The following DMXL2 variants were observed in gnomAD, a reference collection of about 807,000 sequenced individuals.
DMXL2 encodes the protein dmX-like protein 2.
In DMXL2, 103 loss-of-function variants were observed where a neutral mutation model predicts 331.1. The observed-to-expected ratio is 0.31, with a 90% CI of 0.27 to 0.37. The LOEUF is 0.37. Ranked by LOEUF, DMXL2 falls within the 10% of genes least tolerant of loss-of-function variation. The pLI, the probability that DMXL2 is intolerant of heterozygous loss-of-function variation, is 1.00. For synonymous variants in DMXL2, 1,281 were observed against 1,252.1 expected, an observed-to-expected ratio of 1.02 and a Z score of -0.49; for missense variants, 3,171 against 3,642.9, an observed-to-expected ratio of 0.87 and a Z score of 3.33.
rs1439019816 is a variant in DMXL2, at chr15:51,535,763, C to T, written c.2336G>A (p.Ser779Asn). Residue 779 changes from serine (S) to asparagine (N), a missense_variant, in exon 13 of 44, where the codon AGT (serine) becomes AAT (asparagine). Around this residue, in one of 7 missense-constraint regions of DMXL2, gnomAD observed 1,674 missense variants for 1,780.2 expected, o/e 0.94. Coordinates refer to ENST00000560891, the MANE Select transcript of DMXL2 (RefSeq NM_001378457.1). ...YCLGTYCNSA[S>N]ACFVASDGKN... ...GCCATCAGAAGCAACAAAGCAAGCACTTGCAGAATTGCAGTATGTGCCTGA... is the reference window on the plus strand; with the variant it reads ...GCCATCAGAAGCAACAAAGCAAGCATTTGCAGAATTGCAGTATGTGCCTGA... The T allele has an allele frequency of 6.2e-7, 1 of 1,610,174 alleles. No individual in the cohort carries two copies. The highest frequency in any genetic ancestry group is 1.7e-5 in the Admixed American group (1 of 59,588).
chr15:51,508,199 GA>G (rs1444342412), intron 15 of DMXL2, among the ~76,000 whole-genome samples: 1 of 152,092 alleles, frequency 6.6e-6, no homozygotes, highest in East Asian at 1.9e-4. Flanking sequence ...CTAGGAAGGG[GA>G]AAGAATTAGG....
intron 15 of DMXL2, among the ~76,000 whole-genome samples, chr15:51,510,422 G>A (rs886092923): frequency 5.3e-5 from 8 of 152,090 alleles, no homozygotes; most frequent in Non-Finnish European, 1.0e-4. Context: ...AACAGACAGA[G>A]AGCCAAATCA....
intron 9 of DMXL2, among the ~76,000 whole-genome samples, chr15:51,540,980 T>C (rs559528395): frequency 8.5e-5 from 13 of 152,310 alleles, no homozygotes; most frequent in African/African-American, 3.1e-4. Flanking sequence ...CCAAGGTTTC[T>C]AATATGTATT....
intron 15 of DMXL2, among the ~76,000 whole-genome samples, chr15:51,512,115 A>C (rs2046792031): frequency 6.6e-6 from 1 of 152,120 alleles, no homozygotes; most frequent in Admixed American, 6.5e-5. Flanking sequence ...AGGTGCAGCA[A>C]ACCACCATGG....
chr15:51,524,348 G>T (rs892693041), intron 13 of DMXL2, among the ~76,000 whole-genome samples: 3 of 152,156 alleles, frequency 2.0e-5, no homozygotes, highest in Admixed American at 1.3e-4. Context: ...AGGAATAGAG[G>T]AAGATGGCAG....
At chr15:51,461,734 G>A (rs1230576318) in intron 33 of DMXL2, among the ~76,000 whole-genome samples, 1 of 152,106 alleles carries the variant, frequency 6.6e-6, no homozygotes, top group Non-Finnish European at 1.5e-5. Flanking sequence ...TGTATCTTTT[G>A]TAGAGACGGG....
chr15:51,509,422 T>C (rs758029361), intron 15 of DMXL2, among the ~76,000 whole-genome samples: 2 of 152,144 alleles, frequency 1.3e-5, no homozygotes, highest in Non-Finnish European at 1.5e-5. Flanking sequence ...GAGAATACTA[T>C]AAACACCTCT....
intron 1 of DMXL2, among the ~76,000 whole-genome samples, chr15:51,616,845 G>A (rs1486974816): frequency 6.7e-6 from 1 of 150,094 alleles, no homozygotes; most frequent in Non-Finnish European, 1.5e-5. Context: ...GCTGAGGCAG[G>A]AGAATCGCTT....
At chr15:51,502,430 C>T (rs1414697850) in intron 17 of DMXL2, among the ~76,000 whole-genome samples, 15 of 151,744 alleles carry the variant, frequency 9.9e-5, no homozygotes, top group Admixed American at 9.9e-4. Flanking sequence ...TCAAGCAATT[C>T]CCCTGCCTCA....
chr15:51,465,657 C>A lies in DMXL2; in HGVS notation c.7521-6G>T, dbSNP rs1252547761. 6.4e-7 allele frequency: 1 copy of A among 1,563,126 alleles called. No homozygotes were observed. The highest frequency in any genetic ancestry group is 8.7e-7 in the Non-Finnish European group (1 of 1,152,688). ...TCAAATGTAGAAGAGCCCAGCTGTTCAAGGAGGGGCAAAAAGAGTCTTTAA... is the reference window on the plus strand; with the variant it reads ...TCAAATGTAGAAGAGCCCAGCTGTTAAAGGAGGGGCAAAAAGAGTCTTTAA... On this transcript the variant is annotated splice_region_variant and splice_polypyrimidine_tract_variant and intron_variant, in intron 30 of 43. Transcript: ENST00000560891.
At chr15:51,600,340 C>A in intron 1 of DMXL2, among the ~76,000 whole-genome samples, 1 of 152,288 alleles carries the variant, frequency 6.6e-6, no homozygotes, top group Middle Eastern at 3.4e-3. Context: ...AAACCCTGCA[C>A]AGATATGCCT....
At chr15:51,575,811 C>T (rs1434737047) in intron 2 of DMXL2, among the ~76,000 whole-genome samples, 1 of 152,082 alleles carries the variant, frequency 6.6e-6, no homozygotes, top group Non-Finnish European at 1.5e-5. Flanking sequence ...TATCAGTATG[C>T]ACAGGATTGT....
chr15:51,521,447 G>GTAA (rs1170771545), intron 13 of DMXL2, among the ~76,000 whole-genome samples: 1 of 149,786 alleles, frequency 6.7e-6, no homozygotes, highest in Non-Finnish European at 1.5e-5. Flanking sequence ...AGTAGTAGTA[G>GTAA]TAGTAGTAGT....
At position 51,547,234 on chromosome 15, in the gene DMXL2, G is replaced by C. The variant is rs762963538; in HGVS notation, c.742C>G (p.Pro248Ala). 2 of 1,607,104 alleles carry C rather than the reference G, an allele frequency of 1.2e-6. No individual in the cohort carries two copies. Among genetic ancestry groups the C allele is most frequent in the Non-Finnish European group, 8.5e-7 (1 of 1,177,192 alleles). Reference protein sequence around the residue: ...FSWRKTSKYMPRGSVCNVLLT... With the variant: ...FSWRKTSKYMARGSVCNVLLT... ...TACATGATTCATTCATCTAACCTGG[G>C]CATATACTTGCTAGTTTTGCGCCAC... Residue 248 changes from proline to alanine, a missense_variant, in exon 7 of 44, where the codon CCC becomes GCC. Around this residue, in one of 7 missense-constraint regions of DMXL2, gnomAD observed 1,674 missense variants for 1,780.2 expected, o/e 0.94. Coordinates refer to ENST00000560891, the MANE Select transcript of DMXL2 (RefSeq NM_001378457.1).
rs1418247309 is a variant in DMXL2 at position 51,456,165 on chromosome 15, T to A, written c.8427A>T (p.Val2809=). The change falls in exon 39 of 44, where the codon GTA becomes GTT. Residue 2809 remains valine, a synonymous_variant. Transcript: ENST00000560891. ...GAGGCCGCGTCCATTCAAACATTCGTACACTGCCGTCCTGAGCACCTGTAA... is the reference window on the plus strand; with the variant it reads ...GAGGCCGCGTCCATTCAAACATTCGAACACTGCCGTCCTGAGCACCTGTAA... ...YYLTGAQDGS[V]RMFEWTRPQQ... 2 of 1,614,038 alleles carry A rather than the reference T, an allele frequency of 1.2e-6. No individual in the cohort carries two copies. The highest frequency in any genetic ancestry group is 1.7e-6 in the Non-Finnish European group (2 of 1,180,030).
chr15:51,533,771 T>C (rs1425980826), intron 13 of DMXL2, among the ~76,000 whole-genome samples: 1 of 152,166 alleles, frequency 6.6e-6, no homozygotes, highest in Admixed American at 6.5e-5. Context: ...CTGGAAAACA[T>C]TCCAAAAAAT....
At chr15:51,530,147 AG>A (rs1449173070) in intron 13 of DMXL2, among the ~76,000 whole-genome samples, 1 of 152,166 alleles carries the variant, frequency 6.6e-6, no homozygotes, top group Non-Finnish European at 1.5e-5. Flanking sequence ...AAAAACTGAA[AG>A]CCTTTCCTCT....
intron 20 of DMXL2, 98 bp from the exon 21 acceptor site, chr15:51,488,743 A>G: frequency 9.5e-7 from 1 of 1,052,772 alleles, no homozygotes; most frequent in East Asian, 2.6e-5. Context: ...TGGCTGATAG[A>G]AACTGTGGAG....
chr15:51,500,261 G>C (rs752071828), intron 17 of DMXL2, 30 bp from the exon 18 acceptor site: 1 of 1,543,808 alleles, frequency 6.5e-7, no homozygotes, highest in East Asian at 2.3e-5. Context: ...ATAGTTAGTT[G>C]TAATAATAAT....
Sources: allele counts gnomAD v4.1 joint callset (sites outside exome capture counted in the v4.1 genomes callset), GRCh38; gene constraint gnomAD v4.1.1; regional missense constraint gnomAD v4.1.1; transcripts MANE v1.5; gene names NCBI Gene and HGNC (gene_info 2026-07-23, HGNC 2026-07-21).